Variants in PDE3A observed in about 807,000 individuals in gnomAD.
PDE3A encodes the protein phosphodiesterase 3A.
PDE3A carries 43 observed loss-of-function variants against 98.3 expected under a neutral mutation model. The ratio of observed to expected loss-of-function variants is 0.44; its 90% CI spans 0.34 to 0.56. The LOEUF is 0.56. Ranked by LOEUF, PDE3A falls within the 20% of genes least tolerant of loss-of-function variation. The pLI, the probability that PDE3A is intolerant of heterozygous loss-of-function variation, is 0.01. For synonymous variants in PDE3A, 663 were observed against 567.9 expected, an observed-to-expected ratio of 1.17 and a Z score of -2.38; for missense variants, 1,427 against 1,440.7, an observed-to-expected ratio of 0.99 and a Z score of 0.15.
At position 20,637,219 on chromosome 12, in the gene PDE3A, T is replaced by A; in HGVS notation, c.2121T>A (p.Cys707Ter). Residue 707 changes from cysteine (C) to a stop codon, truncating the protein, a stop_gained, in exon 9 of 16, where the codon TGT (cysteine) becomes TGA (stop). Coordinates refer to ENST00000359062, the MANE Select transcript of PDE3A (RefSeq NM_000921.5). LOFTEE classifies it high-confidence loss of function. The stretch of plus-strand genomic sequence containing the variant: ...TAGTGGAAAATATAGGAAGAAAATG[T>A]GGCCGTATTCTTAGTCAGGTAAGAA... Reference protein sequence around the residue: ...FDLVENIGRKCGRILSQVSYR... With the variant: ...FDLVENIGRK 6.2e-7 allele frequency: 1 copy of A among 1,608,222 alleles called. No individual in the cohort carries two copies. Among genetic ancestry groups the A allele is most frequent in the Non-Finnish European group, 8.5e-7 (1 of 1,175,774 alleles).
chr12:20,419,322 T>A (rs1432149445), intron 1 of PDE3A, among the ~76,000 whole-genome samples: 1 of 152,096 alleles, frequency 6.6e-6, no homozygotes, highest in Non-Finnish European at 1.5e-5. Context: ...AGGCAAGATC[T>A]TGCTCTGTCA....
chr12:20,519,952 C>G (rs537380707), intron 1 of PDE3A, among the ~76,000 whole-genome samples: 50 of 152,258 alleles, frequency 3.3e-4, no homozygotes, highest in South Asian at 8.3e-4. Context: ...ACTCCTCCAA[C>G]GTAGATGTCC....
intron 1 of PDE3A, among the ~76,000 whole-genome samples, chr12:20,437,783 A>C (rs988172817): frequency 2.0e-5 from 3 of 152,204 alleles, no homozygotes; most frequent in Admixed American, 2.0e-4. Flanking sequence ...GGGGTAAGAT[A>C]TCCAAACTTT....
At chr12:20,399,660 C>A (rs1944083687) in intron 1 of PDE3A, among the ~76,000 whole-genome samples, 1 of 152,070 alleles carries the variant, frequency 6.6e-6, no homozygotes, top group African/African-American at 2.4e-5. Context: ...TAACAAATAA[C>A]AAAAATGTGG....
At chr12:20,561,472 A>T (rs1324829949) in intron 2 of PDE3A, among the ~76,000 whole-genome samples, 1 of 152,216 alleles carries the variant, frequency 6.6e-6, no homozygotes, top group Non-Finnish European at 1.5e-5. Flanking sequence ...AGTACAAAGC[A>T]GAGAGCTGTG....
chr12:20,621,105 C>A (rs1304689481), intron 4 of PDE3A, among the ~76,000 whole-genome samples, 191 bp from the exon 5 acceptor site: 1 of 152,066 alleles, frequency 6.6e-6, no homozygotes, highest in Non-Finnish European at 1.5e-5. Context: ...TATATCCCTG[C>A]AACAGAGATT....
intron 2 of PDE3A, among the ~76,000 whole-genome samples, chr12:20,611,895 A>AT (rs199728715): frequency 2.7e-5 from 4 of 148,172 alleles, no homozygotes; most frequent in East Asian, 2.1e-4. Context: ...ATATAATGAA[A>AT]TTTAAAAAAA....
chr12:20,446,792 T>TTAA (rs1249465038), intron 1 of PDE3A, among the ~76,000 whole-genome samples: 1 of 152,174 alleles, frequency 6.6e-6, no homozygotes, highest in East Asian at 1.9e-4. Context: ...GAGATGTATG[T>TTAA]TATCTTATAT....
chr12:20,632,851 A>T (rs1369344630), intron 6 of PDE3A, among the ~76,000 whole-genome samples: 2 of 152,066 alleles, frequency 1.3e-5, no homozygotes, highest in African/African-American at 2.4e-5. Flanking sequence ...CATAAAATTC[A>T]TATACTATCA....
At chr12:20,519,920 A>G (rs926689677) in intron 1 of PDE3A, among the ~76,000 whole-genome samples, 1 of 152,142 alleles carries the variant, frequency 6.6e-6, no homozygotes, top group Non-Finnish European at 1.5e-5. Context: ...AAGGGACATC[A>G]TCTCACATCG....
Position 20,648,930 on chromosome 12 carries a change from T to TTC in PDE3A, c.2769+40_2769+41insCT, listed in dbSNP as rs763015599. ...TACCCAGTTTTCTTTTCTTTTTCTTTTTTTTTTTTTTTTGAGACAGAGTCT... is the reference window on the plus strand; with the variant it reads ...TACCCAGTTTTCTTTTCTTTTTCTTTTCTTTTTTTTTTTTTGAGACAGAGTCT... On this transcript the variant is annotated intron_variant, in intron 13 of 15. Transcript: ENST00000359062. 4 of 1,149,212 alleles carry TTC rather than the reference T, an allele frequency of 3.5e-6. 1 individual carries two copies. Among genetic ancestry groups the TTC allele is most frequent in the Middle Eastern group, 3.0e-4 (1 of 3,280 alleles). The allele number at this position is 1,149,212 out of a possible 1,614,324, so 71.2% of individuals were successfully genotyped here. A position where few individuals can be genotyped will look rare whatever the true frequency, so the allele number is the denominator to read the frequency against.
intron 5 of PDE3A, among the ~76,000 whole-genome samples, chr12:20,622,694 C>G (rs1234957738): frequency 2.0e-5 from 3 of 152,120 alleles, no homozygotes; most frequent in Non-Finnish European, 2.9e-5. Flanking sequence ...GGAGAATCAT[C>G]TGGGACCCCA....
chr12:20,408,913 G>C (rs1435258177), intron 1 of PDE3A, among the ~76,000 whole-genome samples: 1 of 152,156 alleles, frequency 6.6e-6, no homozygotes, highest in Non-Finnish European at 1.5e-5. Context: ...CATTGAGAAT[G>C]AGGATTCTGG....
chr12:20,418,814 G>T (rs1944465229), intron 1 of PDE3A, among the ~76,000 whole-genome samples: 1 of 151,672 alleles, frequency 6.6e-6, no homozygotes, highest in African/African-American at 2.4e-5. Context: ...ATTATATATT[G>T]ATTAGTGTTC....
intron 1 of PDE3A, among the ~76,000 whole-genome samples, chr12:20,389,560 G>A (rs1349729806): frequency 6.6e-6 from 1 of 151,914 alleles, no homozygotes. Context: ...AACTTACACT[G>A]TTTGAGTTTT....
chr12:20,476,646 G>A (rs1364353718), intron 1 of PDE3A, among the ~76,000 whole-genome samples: 2 of 152,104 alleles, frequency 1.3e-5, no homozygotes, highest in Non-Finnish European at 1.5e-5. Flanking sequence ...GAGAGGAACT[G>A]GTTTCATATG....
intron 1 of PDE3A, among the ~76,000 whole-genome samples, chr12:20,417,224 C>T (rs1028857121): frequency 2.0e-5 from 3 of 152,048 alleles, no homozygotes. Context: ...ATTTTTAGAA[C>T]CAGTTTACTT....
intron 1 of PDE3A, chr12:20,371,623 G>A (rs911856994): frequency 5.9e-6 from 1 of 169,178 alleles, no homozygotes; most frequent in Admixed American, 6.5e-5. Context: ...ATTGAGCAGA[G>A]TAGATGACAG....
chr12:20,401,874 G>A (rs1343635243), intron 1 of PDE3A, among the ~76,000 whole-genome samples: 1 of 152,156 alleles, frequency 6.6e-6, no homozygotes, highest in Non-Finnish European at 1.5e-5. Flanking sequence ...CTTAACAAAT[G>A]TTTTTGAGGC....
Sources: allele counts gnomAD v4.1 joint callset (sites outside exome capture counted in the v4.1 genomes callset), GRCh38; gene constraint gnomAD v4.1.1; transcripts MANE v1.5; gene names NCBI Gene and HGNC (gene_info 2026-07-23, HGNC 2026-07-21).